CARD19: variants seen among roughly 807,000 people sequenced by gnomAD.
CARD19 encodes the protein caspase recruitment domain-containing protein 19.
A neutral mutation model predicts 24.1 loss-of-function variants in CARD19; 25 were observed. That is an observed-to-expected ratio of 1.04 (90% CI 0.76 to 1.45). CARD19 has a LOEUF of 1.45. CARD19 is among the 40% of genes most tolerant of loss of function. The pLI, the probability that CARD19 is intolerant of heterozygous loss-of-function variation, is 0.00. For missense variants in CARD19, 241 were observed against 247.4 expected (o/e 0.97, Z 0.17); for synonymous variants, 103 against 104.9 (o/e 0.98, Z 0.11).
intron 1 of CARD19, among the ~76,000 whole-genome samples, chr9:93,104,539 A>G (rs564708768): frequency 1.3e-5 from 2 of 152,270 alleles, no homozygotes; most frequent in South Asian, 4.1e-4. Context: ...GCAAAGCTAT[A>G]TTAGTTCTTC....
At chr9:93,097,234 A>T (rs1188849091) in intron 1 of CARD19, among the ~76,000 whole-genome samples, 3 of 151,464 alleles carry the variant, frequency 2.0e-5, no homozygotes, top group African/African-American at 7.3e-5. Context: ...GGGTAGCCCC[A>T]GAAGTCCCTA....
At chr9:93,107,865 C>T (rs547810612) in intron 2 of CARD19, 49 bp downstream of exon 2, 12 of 1,610,752 alleles carry the variant, frequency 7.4e-6, no homozygotes, top group East Asian at 2.2e-5. Flanking sequence ...AGTTTCCCTT[C>T]CTTTCTGGGC....
In CARD19 at chr9:93,096,320, C is replaced by G. The variant is rs1255524166; in HGVS notation, c.-26C>G. The G allele has an allele frequency of 8.2e-7, 1 of 1,225,594 alleles. No homozygotes were observed. Among genetic ancestry groups the G allele is most frequent in the Non-Finnish European group, 1.0e-6 (1 of 983,846 alleles). 75.9% of individuals were successfully genotyped at this position (1,225,594 alleles called of 1,614,324 possible). A position where few individuals can be genotyped will look rare whatever the true frequency, so the allele number is the denominator to read the frequency against. ...GCGCGGCGGGGCAGACCGCTGGGGA[C>G]TGCGGGCGGCGCTGTGTCCGTCGCC... is the stretch of plus-strand genomic sequence containing the variant. On this transcript the variant is annotated 5_prime_UTR_variant, in exon 1 of 6. Transcript: ENST00000375464. The surrounding 1 kb of genome is among the most constrained non-coding windows in gnomAD (Gnocchi z 5.4).
chr9:93,097,088 G>A (rs1305476178), intron 1 of CARD19, among the ~76,000 whole-genome samples: 2 of 152,198 alleles, frequency 1.3e-5, no homozygotes, highest in Admixed American at 6.5e-5. Flanking sequence ...ACCTTCCCCT[G>A]TTGGAGAAGC....
rs140785195 is a variant in CARD19, at chr9:93,110,698, G to T, written c.281G>T (p.Arg94Leu). Reference protein sequence around the residue: ...LYIHAQPLHSRLPSRHALQNS... With the variant: ...LYIHAQPLHSLLPSRHALQNS... The stretch of plus-strand genomic sequence containing the variant: ...ATCCATGCCCAGCCCCTGCACAGCC[G>T]CCTGCCCAGCCGCCACGCTCTGCGT... The change falls in exon 3 of 6, where the codon CGC (arginine) becomes CTC (leucine). Residue 94 changes from arginine (R) to leucine (L), a missense_variant. Arg to Leu is a moderately radical substitution (Grantham distance 102). Coordinates refer to ENST00000375464, the MANE Select transcript of CARD19 (RefSeq NM_032310.5). 117 of 1,610,878 alleles carry T rather than the reference G, an allele frequency of 7.3e-5. No individual in the cohort carries two copies. In the African/African-American group the frequency reaches 1.1e-3, roughly 15 times the overall value.
chr9:93,107,969 A>G (rs1317133821), intron 2 of CARD19, 153 bp downstream of exon 2: 7 of 1,064,380 alleles, frequency 6.6e-6, no homozygotes, highest in Non-Finnish European at 9.4e-6. Flanking sequence ...GGACCTGGCT[A>G]CTAAGGCTGC....
chr9:93,105,536 T>C (rs1827224154), intron 1 of CARD19, among the ~76,000 whole-genome samples: 1 of 152,128 alleles, frequency 6.6e-6, no homozygotes, highest in Admixed American at 6.6e-5. Context: ...CTGCCTTAGC[T>C]TCCCAAAGTG....
chr9:93,111,760 A>G, intron 3 of CARD19, 119 bp from the exon 4 acceptor site: 1 of 1,507,316 alleles, frequency 6.6e-7, no homozygotes, highest in Middle Eastern at 2.4e-4. Context: ...CAGGTGCCAC[A>G]GCCTGGTTCG....
Position 93,096,455 on chromosome 9 carries a change from G to A in CARD19, c.7+103G>A. Reference sequence around the variant, plus strand: ...GCGAGTCGCCTGCAGGCCGCGCCTGGGCAGCGGGGGCCGAGTGACCTTGGC... The same window carrying A: ...GCGAGTCGCCTGCAGGCCGCGCCTGAGCAGCGGGGGCCGAGTGACCTTGGC... On this transcript the variant is annotated intron_variant, in intron 1 of 5. Transcript: ENST00000375464. The surrounding 1 kb of genome is among the most constrained non-coding windows in gnomAD (Gnocchi z 5.4). The A allele has an allele frequency of 9.3e-7, 1 of 1,080,894 alleles. No homozygotes were observed. The highest frequency in any genetic ancestry group is 1.2e-6 in the Non-Finnish European group (1 of 853,380). 67.0% of individuals were successfully genotyped at this position (1,080,894 alleles called of 1,614,324 possible).
chr9:93,102,679 TGTTGGCTATACAG>T (rs1827128546), intron 1 of CARD19, among the ~76,000 whole-genome samples: 1 of 151,540 alleles, frequency 6.6e-6, no homozygotes, highest in Admixed American at 6.6e-5. Context: ...AGATTTTTGT[TGTTGGCTATACAG>T]GTATCTTGAA....
rs1370395620 is a variant in CARD19, at chr9:93,112,248, T to G, written c.395T>G (p.Leu132Arg). 3.9e-6 allele frequency: 6 copies of G among 1,545,248 alleles called. No individual in the cohort carries two copies. Among genetic ancestry groups the G allele is most frequent in the Non-Finnish European group, 5.2e-6 (6 of 1,147,022 alleles). Residue 132 changes from leucine to arginine, a missense_variant, in exon 5 of 6, where the codon CTT (leucine) becomes CGT (arginine). Physicochemically the swap from Leu to Arg is moderately radical, Grantham distance 102 (BLOSUM62 -2). Coordinates refer to ENST00000375464, the MANE Select transcript of CARD19 (RefSeq NM_032310.5). ...GPMSFLAGLG[L>R]AVGLALLLYC... ...ATGAGCTTCCTGGCTGGCCTGGGCCTTGCTGTGGGACTGGCCCTGCTCCTG... is the reference window on the plus strand; with the variant it reads ...ATGAGCTTCCTGGCTGGCCTGGGCCGTGCTGTGGGACTGGCCCTGCTCCTG...
intron 3 of CARD19, chr9:93,110,924 G>A (rs1415916929): frequency 6.5e-7 from 1 of 1,532,358 alleles, no homozygotes; most frequent in Non-Finnish European, 8.7e-7. Context: ...CAGTGCAGAT[G>A]TTGGTCTCTG....
At chr9:93,111,756 C>A in intron 3 of CARD19, 123 bp from the exon 4 acceptor site, 1 of 1,502,252 alleles carries the variant, frequency 6.7e-7, no homozygotes. Context: ...GCCTCAGGTG[C>A]CACAGCCTGG....
At chr9:93,102,118 T>C (rs530250591) in intron 1 of CARD19, among the ~76,000 whole-genome samples, 40 of 152,142 alleles carry the variant, frequency 2.6e-4, no homozygotes, top group Non-Finnish European at 5.0e-4. Flanking sequence ...CGCACCACCA[T>C]GCCCGACTAA....
intron 3 of CARD19, 49 bp from the exon 4 acceptor site, chr9:93,111,830 C>T (rs1827497144): frequency 6.3e-7 from 1 of 1,595,334 alleles, no homozygotes; most frequent in Non-Finnish European, 8.6e-7. Flanking sequence ...ACTACCTTGC[C>T]CTCCGGCCCT....
At chr9:93,112,051 T>G in intron 4 of CARD19, 113 bp downstream of exon 4, 1 of 1,432,812 alleles carries the variant, frequency 7.0e-7, no homozygotes, top group Non-Finnish European at 9.4e-7. Context: ...TCTGGCTCCA[T>G]TCCTGGCCTT....
At chr9:93,108,284 C>T (rs900094385) in intron 2 of CARD19, among the ~76,000 whole-genome samples, 1 of 152,240 alleles carries the variant, frequency 6.6e-6, no homozygotes, top group Non-Finnish European at 1.5e-5. Context: ...CTGCATCTTC[C>T]GAAGGTTCAA....
At chr9:93,112,413 A>G (rs1241770859) in intron 5 of CARD19, 124 bp downstream of exon 5, 1 of 776,190 alleles carries the variant, frequency 1.3e-6, no homozygotes, top group Non-Finnish European at 2.1e-6. Flanking sequence ...ACACTTGTGC[A>G]GTGGGATGGT....
Position 93,096,760 on chromosome 9 carries a change from C to A in CARD19, c.7+408C>A, listed in dbSNP as rs1005892785. Among the ~76,000 whole-genome samples, 7 of 152,186 alleles carry A rather than the reference C, an allele frequency of 4.6e-5. No individual in the cohort carries two copies. The highest frequency in any genetic ancestry group is 1.7e-4 in the African/African-American group (7 of 41,440). ...AAATGACACCGGAGAGAATTCACAG[C>A]GGTCCTGCTGTGATTCTGGCCACGG... On this transcript the variant is annotated intron_variant, in intron 1 of 5. Transcript: ENST00000375464. This position sits in a 1 kb window ranked among gnomAD's most constrained non-coding sequence, Gnocchi z 5.4.
Sources: gnomAD v4.1 joint callset for allele counts (sites outside exome capture counted in the v4.1 genomes callset) on GRCh38, gnomAD v4.1.1 for gene constraint, Gnocchi (gnomAD v3.1) non-coding constraint, MANE v1.5 for transcripts, NCBI Gene and HGNC (gene_info 2026-07-23, HGNC 2026-07-21) for gene names.